The following GLI3 variants were observed in gnomAD, a reference collection of about 807,000 sequenced individuals.
GLI3 encodes transcription activator GLI3.
GLI3 carries 20 observed loss-of-function variants against 100.8 expected under a neutral mutation model. The ratio of observed to expected loss-of-function variants is 0.20; its 90% CI spans 0.14 to 0.29. The LOEUF (loss-of-function observed/expected upper bound fraction) is 0.29. Among genes scored for constraint, GLI3 ranks in the 10% least tolerant of loss-of-function variants. The pLI, the probability that GLI3 is intolerant of heterozygous loss-of-function variation, is 1.00. For synonymous variants in GLI3, 938 were observed against 860.5 expected (o/e 1.09, Z -1.58); for missense variants, 2,040 against 2,128.5 (o/e 0.96, Z 0.82).
chr7:42,180,393 C>T (rs1253610220), intron 2 of GLI3, among the ~76,000 whole-genome samples: 1 of 152,220 alleles, frequency 6.6e-6, no homozygotes, highest in African/African-American at 2.4e-5. Flanking sequence ...TCCAATGGCC[C>T]TGTGAAAGAG....
At chr7:42,101,529 C>T (rs1379565927) in intron 3 of GLI3, among the ~76,000 whole-genome samples, 2 of 151,912 alleles carry the variant, frequency 1.3e-5, no homozygotes, top group Non-Finnish European at 2.9e-5. Flanking sequence ...TTGCTTGAGC[C>T]CGGGAGGTGG....
intron 3 of GLI3, among the ~76,000 whole-genome samples, chr7:42,126,478 C>T (rs557853245): frequency 4.1e-4 from 63 of 152,100 alleles, no homozygotes; most frequent in Non-Finnish European, 6.8e-4. Flanking sequence ...AAAATGCTAA[C>T]TAAAGAAAAA....
In GLI3 at chr7:42,157,664, CTT is replaced by C. The variant is rs1165978596; in HGVS notation, c.125-9198_125-9197del. Among the ~76,000 whole-genome samples, 23 of 152,252 alleles carry C rather than the reference CTT, an allele frequency of 1.5e-4. No individual in the cohort carries two copies. The East Asian group carries it at 3.1e-3, about 20-fold the overall frequency. On this transcript the variant is annotated intron_variant, in intron 2 of 14. Coordinates refer to ENST00000395925, the MANE Select transcript of GLI3 (RefSeq NM_000168.6). ...TAAAAATATTTGTATGGATTTTTAA[CTT>C]ATATTTCTCAATCATTTAGAGTACA...
At chr7:42,157,669 AT>A (rs1397456224) in intron 2 of GLI3, among the ~76,000 whole-genome samples, 9 of 152,232 alleles carry the variant, frequency 5.9e-5, no homozygotes, top group Non-Finnish European at 7.4e-5. Context: ...TTTAACTTAT[AT>A]TTCTCAATCA....
intron 2 of GLI3, among the ~76,000 whole-genome samples, chr7:42,154,741 A>G (rs569366827): frequency 2.6e-5 from 4 of 152,330 alleles, no homozygotes; most frequent in Non-Finnish European, 4.4e-5. Context: ...AAAAAGCAGA[A>G]TATTTCCTCT....
intron 2 of GLI3, among the ~76,000 whole-genome samples, chr7:42,186,940 G>A (rs959966210): frequency 6.6e-6 from 1 of 152,140 alleles, no homozygotes; most frequent in African/African-American, 2.4e-5. Context: ...GCTGGGTGCT[G>A]TGGCTATGCC....
intron 3 of GLI3, among the ~76,000 whole-genome samples, chr7:42,082,202 T>C (rs1174466129): frequency 6.6e-6 from 1 of 151,900 alleles, no homozygotes; most frequent in Non-Finnish European, 1.5e-5. Context: ...GAACTCACTC[T>C]AGTGAGATAG....
intron 3 of GLI3, among the ~76,000 whole-genome samples, chr7:42,116,825 G>T (rs1298540147): frequency 8.0e-6 from 1 of 125,280 alleles, no homozygotes; most frequent in Non-Finnish European, 1.6e-5. Flanking sequence ...TTAATAAGAG[G>T]TCTCATAAGA....
At chr7:42,088,010 T>C (rs770170845) in intron 3 of GLI3, among the ~76,000 whole-genome samples, 12 of 152,110 alleles carry the variant, frequency 7.9e-5, no homozygotes, top group African/African-American at 2.4e-4. Context: ...AGCAAGGAAA[T>C]GATAGAAAAG....
rs570654018 is a variant in GLI3 at position 42,191,673 on chromosome 7, T to A, written c.124+31457A>T. On this transcript the variant is annotated intron_variant, in intron 2 of 14. Coordinates refer to ENST00000395925, the MANE Select transcript of GLI3 (RefSeq NM_000168.6). The stretch of plus-strand genomic sequence containing the variant: ...TTCAAAAAATATATATATATATATA[T>A]AATATTTTTTGAACACATACTAACT... Among the ~76,000 whole-genome samples, 727 of 149,756 alleles carry A rather than the reference T, an allele frequency of 4.9e-3. 6 individuals are homozygous for A. Among genetic ancestry groups the A allele is most frequent in the African/African-American group, 0.017 (701 of 40,840 alleles).
At chr7:42,191,955 C>A (rs1787836748) in intron 2 of GLI3, among the ~76,000 whole-genome samples, 1 of 151,966 alleles carries the variant, frequency 6.6e-6, no homozygotes, top group African/African-American at 2.4e-5. Context: ...ACAAGCTAAA[C>A]TGCCAAGAAT....
At chr7:41,977,511 GTTCT>G (rs1295835921) in intron 12 of GLI3, 43 bp downstream of exon 12, 33 of 1,595,002 alleles carry the variant, frequency 2.1e-5, no homozygotes, top group Non-Finnish European at 2.7e-5. Flanking sequence ...CCCCGGGATA[GTTCT>G]TTGTTTCCTT....
intron 2 of GLI3, among the ~76,000 whole-genome samples, chr7:42,208,517 C>T (rs3801221): frequency 0.37 from 55,637 of 152,018 alleles, 12,043 homozygotes; most frequent in East Asian, 0.72. Context: ...CTGTAAATGC[C>T]AATCTGAAAG....
intron 10 of GLI3, among the ~76,000 whole-genome samples, chr7:42,012,506 AGG>A (rs1788646423): frequency 6.6e-6 from 1 of 152,224 alleles, no homozygotes; most frequent in Non-Finnish European, 1.5e-5. Flanking sequence ...ACAAATCAGT[AGG>A]ACCTAGACCA....
intron 10 of GLI3, among the ~76,000 whole-genome samples, chr7:42,000,025 G>A (rs547951811): frequency 9.6e-4 from 146 of 152,328 alleles, no homozygotes; most frequent in African/African-American, 3.1e-3. Flanking sequence ...TCCCACCTTC[G>A]TCCTGCAGGG....
At chr7:42,004,444 T>C (rs1788392001) in intron 10 of GLI3, among the ~76,000 whole-genome samples, 1 of 152,072 alleles carries the variant, frequency 6.6e-6, no homozygotes, top group Non-Finnish European at 1.5e-5. Context: ...ATAAGTTGAT[T>C]GCACATAAAA....
At chr7:42,058,173 C>G (rs1583518650) in intron 4 of GLI3, among the ~76,000 whole-genome samples, 1 of 151,938 alleles carries the variant, frequency 6.6e-6, no homozygotes, top group Non-Finnish European at 1.5e-5. Flanking sequence ...AATGTATGAT[C>G]CCATTTATAT....
intron 1 of GLI3, among the ~76,000 whole-genome samples, chr7:42,226,586 TCAA>T (rs772154226): frequency 3.3e-5 from 5 of 152,186 alleles, no homozygotes; most frequent in South Asian, 2.1e-4. Context: ...CCTTGGTCAC[TCAA>T]CAATCTACCC....
At chr7:42,073,436 G>A (rs1784821446) in intron 4 of GLI3, among the ~76,000 whole-genome samples, 9 of 152,148 alleles carry the variant, frequency 5.9e-5, no homozygotes. Context: ...GAAAAACAAA[G>A]GCAGGTTAAT....
Sources: allele counts gnomAD v4.1 joint callset (sites outside exome capture counted in the v4.1 genomes callset), GRCh38; gene constraint gnomAD v4.1.1; transcripts MANE v1.5; gene names NCBI Gene and HGNC (gene_info 2026-07-23, HGNC 2026-07-21).